The following DNAAF8 variants were observed in gnomAD, a reference collection of about 807,000 sequenced individuals.
DNAAF8 encodes dynein axonemal-associated protein 1.
In DNAAF8, 61 loss-of-function variants were observed where a neutral mutation model predicts 54.6. That is an observed-to-expected ratio of 1.12 (90% confidence interval 0.91 to 1.38). The LOEUF (loss-of-function observed/expected upper bound fraction) is 1.38. Among genes scored for constraint, DNAAF8 ranks in the 40% most tolerant of loss-of-function variants. The pLI is 0.00. For missense variants in DNAAF8, 837 were observed against 665.0 expected (o/e 1.26, Z -2.85); for synonymous variants, 320 against 270.1 (o/e 1.18, Z -1.81).
chr16:4,745,034 G>C (rs200245581), intron 6 of DNAAF8, 23 bp downstream of exon 6: 8 of 1,608,168 alleles, frequency 5.0e-6, no homozygotes, highest in Middle Eastern at 1.6e-4. Flanking sequence ...GCCAGGCCCG[G>C]CTCCTGTGGT....
At position 4,747,032 on chromosome 16, in the gene DNAAF8, A is replaced by G; in HGVS notation, c.1280+7A>G. ...CTTCCTCCCTGGGGCTACGGTAACC[A>G]CCCAGGGGCCTCTCGCCACCTGCAG... On this transcript the variant is annotated splice_region_variant and intron_variant, in intron 8 of 9. Coordinates refer to ENST00000299320, the MANE Select transcript of DNAAF8 (RefSeq NM_139170.3). 2 of 1,521,280 alleles carry G rather than the reference A, an allele frequency of 1.3e-6. No individual in the cohort carries two copies. Among genetic ancestry groups the G allele is most frequent in the Non-Finnish European group, 1.8e-6 (2 of 1,139,884 alleles). 94.2% of individuals were successfully genotyped at this position (1,521,280 alleles called of 1,614,324 possible).
Position 4,740,502 on chromosome 16 carries a change from C to A in DNAAF8, c.626C>A (p.Thr209Lys). ...LRQERRKMIETDILQKVTRDA... is the reference protein window; with the variant it reads ...LRQERRKMIEKDILQKVTRDA... ...CAGGAGAGAAGGAAGATGATAGAGA[C>A]GGACATCCTCCAGAAAGTCACCCGG... The change falls in exon 4 of 10, where the codon ACG (threonine) becomes AAG (lysine). Residue 209 changes from threonine to lysine, a missense_variant. By Grantham distance (78) the Thr-to-Lys change is moderately conservative (BLOSUM62 -1). Transcript: ENST00000299320. The A allele has an allele frequency of 5.6e-6, 9 of 1,614,098 alleles. No individual in the cohort carries two copies. The highest frequency in any genetic ancestry group is 7.6e-6 in the Non-Finnish European group (9 of 1,180,018).
Position 4,740,166 on chromosome 16 carries a change from C to T in DNAAF8, c.290C>T (p.Pro97Leu). ...TTTTCTTGACAGCCAGTTCTGGTGC[C>T]TGCAGAATTGGCCACAGAACCTGGG... The part of the protein sequence containing the change: ...EESLPEPVLV[P>L]AELATEPGCR... The change falls in exon 4 of 10, where the codon CCT becomes CTT. Residue 97 changes from proline to leucine, a missense_variant. Transcript: ENST00000299320. 2 of 1,608,558 alleles carry T rather than the reference C, an allele frequency of 1.2e-6. No individual in the cohort carries two copies. Among genetic ancestry groups the T allele is most frequent in the African/African-American group, 1.3e-5 (1 of 74,880 alleles).
chr16:4,747,607 T>C lies in DNAAF8; in HGVS notation c.1545T>C (p.Pro515=), dbSNP rs1185683878. The change falls in exon 9 of 10, where the codon CCT becomes CCC. Residue 515 remains proline (P), a synonymous_variant. Transcript: ENST00000299320. ...GGGCAGCCAGGGAGGCCCTGATGCC[T>C]CCTCTGGAGCAACTATAGCTGCCTC... ...EPGAAREALM[P]PLEQL is the part of the protein sequence containing the mutation. 12 of 1,607,790 alleles carry C rather than the reference T, an allele frequency of 7.5e-6. No individual in the cohort carries two copies. Among genetic ancestry groups the C allele is most frequent in the Non-Finnish European group, 1.0e-5 (12 of 1,177,490 alleles).
Position 4,748,795 on chromosome 16 carries a change from G to C in DNAAF8, c.*80G>C, listed in dbSNP as rs1026439092. 2.6e-5 allele frequency: 4 copies of C among 152,294 alleles called. No individual in the cohort carries two copies. Among genetic ancestry groups the C allele is most frequent in the African/African-American group, 9.6e-5 (4 of 41,466 alleles). The allele number at this position is 152,294 out of a possible 1,614,324, so 9.4% of individuals were successfully genotyped here. On this transcript the variant is annotated 3_prime_UTR_variant, in exon 10 of 10. Transcript: ENST00000299320. The stretch of plus-strand genomic sequence containing the variant: ...ACCACCTTGGGCCCCACGGTGCCAC[G>C]GGCTCAGGCAGCACAGTAGGGCGCC...
chr16:4,747,060 G>T, intron 8 of DNAAF8, 35 bp downstream of exon 8: 1 of 1,495,544 alleles, frequency 6.7e-7, no homozygotes, highest in South Asian at 1.3e-5. Flanking sequence ...ACCTGCAGAT[G>T]TCCCACCTCT....
rs2142219030 is a variant in DNAAF8 at position 4,749,176 on chromosome 16, T to C, written c.*461T>C. On this transcript the variant is annotated 3_prime_UTR_variant, in exon 10 of 10. Transcript: ENST00000299320. ...TCTCCCACCTACAGAGACCCTCCCC[T>C]GCCCCCTCCACTCCGGGGCCTGTGC... The C allele has an allele frequency of 6.5e-6, 1 of 154,486 alleles. No homozygotes were observed. 9.6% of individuals were successfully genotyped at this position (154,486 alleles called of 1,614,324 possible). A position where few individuals can be genotyped will look rare whatever the true frequency, so the allele number is the denominator to read the frequency against.
At chr16:4,744,084 C>A (rs939653039) in intron 5 of DNAAF8, among the ~76,000 whole-genome samples, 1 of 152,040 alleles carries the variant, frequency 6.6e-6, no homozygotes, top group Non-Finnish European at 1.5e-5. Flanking sequence ...CACGTGCCAC[C>A]ACGCCTGGCT....
At chr16:4,741,557 T>G (rs1044520728) in intron 4 of DNAAF8, among the ~76,000 whole-genome samples, 27 of 152,156 alleles carry the variant, frequency 1.8e-4, no homozygotes, top group Non-Finnish European at 2.9e-4. Flanking sequence ...CCCAGCACTT[T>G]GGGAAGCCAA....
chr16:4,745,770 G>T (rs1235902145), intron 6 of DNAAF8, among the ~76,000 whole-genome samples: 1 of 152,070 alleles, frequency 6.6e-6, no homozygotes, highest in South Asian at 2.1e-4. Context: ...GGCCAACATG[G>T]TGAAACCCCA....
chr16:4,740,406 A>G lies in DNAAF8; in HGVS notation c.530A>G (p.His177Arg). ...DPQAEATLSC[H>R]EGDPKAEPLS... ...CAGGCCGAAGCCACTCTCTCCTGCC[A>G]TGAAGGAGACCCAAAGGCAGAGCCC... The change falls in exon 4 of 10, where the codon CAT becomes CGT. Residue 177 changes from histidine (H) to arginine (R), a missense_variant. Coordinates refer to ENST00000299320, the MANE Select transcript of DNAAF8 (RefSeq NM_139170.3). 6.2e-7 allele frequency: 1 copy of G among 1,614,000 alleles called. No homozygotes were observed. Among genetic ancestry groups the G allele is most frequent in the Non-Finnish European group, 8.5e-7 (1 of 1,179,984 alleles).
intron 6 of DNAAF8, 138 bp downstream of exon 6, chr16:4,745,149 C>T (rs1206500976): frequency 6.9e-6 from 8 of 1,157,972 alleles, no homozygotes; most frequent in African/African-American, 3.1e-5. Context: ...ATCAGGCAGT[C>T]GCTCCAGTCA....
rs1400080438 is a variant in DNAAF8, at chr16:4,747,911, G to A, written c.*9+277G>A. ...AGATGGGCAGGGACAGCAGGAGGAC[G>A]GGGTGCTGCTCTCTGCGGGACTCTG... On this transcript the variant is annotated intron_variant, in intron 9 of 9. Coordinates refer to ENST00000299320, the MANE Select transcript of DNAAF8 (RefSeq NM_139170.3). Among the ~76,000 whole-genome samples the A allele has an allele frequency of 2.0e-5, 3 of 152,140 alleles. No homozygotes were observed. The East Asian group carries it at 5.8e-4, about 29-fold the overall frequency.
Position 4,746,402 on chromosome 16 carries a change from G to C in DNAAF8, c.1071G>C (p.Gln357His). 1 of 1,613,020 alleles carries C rather than the reference G, an allele frequency of 6.2e-7. No individual in the cohort carries two copies. The change falls in exon 7 of 10, where the codon CAG becomes CAC. Residue 357 changes from glutamine (Q) to histidine (H), a missense_variant. Coordinates refer to ENST00000299320, the MANE Select transcript of DNAAF8 (RefSeq NM_139170.3). Reference protein sequence around the residue: ...SRCASRKQGSQAGPGPQLAQG... With the variant: ...SRCASRKQGSHAGPGPQLAQG... ...GTGCCTCAAGGAAGCAGGGCTCCCAGGCTGGGCCAGGCCCGCAGCTGGCCC... is the reference window on the plus strand; with the variant it reads ...GTGCCTCAAGGAAGCAGGGCTCCCACGCTGGGCCAGGCCCGCAGCTGGCCC...
chr16:4,746,050 T>G, intron 6 of DNAAF8: 1 of 227,320 alleles, frequency 4.4e-6, no homozygotes, highest in Non-Finnish European at 8.6e-6. Context: ...ACACCTAACG[T>G]GGTGAATGTG....
At position 4,735,697 on chromosome 16, in the gene DNAAF8, C is replaced by T. The variant is rs182739762; in HGVS notation, c.-51-767C>T. On this transcript the variant is annotated intron_variant, in intron 1 of 9. Transcript: ENST00000299320. ...TGTCAGCCAGGCGCGATGGCACATG[C>T]CTGTAATCCCAGCACTTTGGGAGGC... Among the ~76,000 whole-genome samples the T allele has an allele frequency of 2.0e-5, 3 of 152,056 alleles. No individual in the cohort carries two copies. In the East Asian group the frequency reaches 5.8e-4, roughly 29 times the overall value.
At position 4,744,898 on chromosome 16, in the gene DNAAF8, G is replaced by A. The variant is rs769414720; in HGVS notation, c.930G>A (p.Arg310=). ...GCATGGTGCCGAGCGCCCACAACAGGCTCATGGAACAGCTGGCCCTCCTGT... is the reference window on the plus strand; with the variant it reads ...GCATGGTGCCGAGCGCCCACAACAGACTCATGGAACAGCTGGCCCTCCTGT... ...QDRMVPSAHN[R]LMEQLALLCT... Residue 310 remains arginine, a synonymous_variant, in exon 6 of 10, where the codon AGG becomes AGA. Transcript: ENST00000299320. 9.3e-6 allele frequency: 15 copies of A among 1,613,664 alleles called. No homozygotes were observed. In the African/African-American group the frequency reaches 2.0e-4, roughly 22 times the overall value.
At chr16:4,743,323 G>C (rs181323282) in intron 5 of DNAAF8, 163 bp downstream of exon 5, 6,030 of 561,826 alleles carry the variant, frequency 0.011, 50 homozygotes, top group Non-Finnish European at 0.015. Flanking sequence ...GTCCCCAAAA[G>C]ACTTCATTCA....
intron 5 of DNAAF8, among the ~76,000 whole-genome samples, chr16:4,744,222 C>T (rs1169983352): frequency 1.3e-5 from 2 of 152,196 alleles, no homozygotes; most frequent in Admixed American, 6.5e-5. Context: ...TGAGCCACCG[C>T]GCTTGGCCGA....
Sources: allele counts gnomAD v4.1 joint callset (sites outside exome capture counted in the v4.1 genomes callset), GRCh38; gene constraint gnomAD v4.1.1; transcripts MANE v1.5; gene names NCBI Gene and HGNC (gene_info 2026-07-23, HGNC 2026-07-21).